ARHGEF3: variants seen among roughly 807,000 people sequenced by gnomAD.
ARHGEF3 encodes the protein 59.8 kDA protein.
A neutral mutation model predicts 63.2 loss-of-function variants in ARHGEF3; 28 were observed. The ratio of observed to expected loss-of-function variants is 0.44; its 90% CI spans 0.33 to 0.61. The LOEUF is 0.61. Ranked by LOEUF, ARHGEF3 falls within the 20% of genes least tolerant of loss-of-function variation. The probability of loss-of-function intolerance (pLI) is 0.03; values close to 1 mark genes in which losing one functional copy is unlikely to be tolerated. For synonymous variants in ARHGEF3, 266 were observed against 254.2 expected (o/e 1.05, Z -0.44); for missense variants, 533 against 659.3 (o/e 0.81, Z 2.10).
chr3:56,755,858 A>G (rs2035039630), intron 2 of ARHGEF3, among the ~76,000 whole-genome samples: 1 of 152,188 alleles, frequency 6.6e-6, no homozygotes, highest in African/African-American at 2.4e-5. Context: ...GGATGGAGTG[A>G]CCAATGGAGG....
At chr3:57,043,786 G>A (rs1449377110) in intron 1 of ARHGEF3, among the ~76,000 whole-genome samples, 1 of 152,240 alleles carries the variant, frequency 6.6e-6, no homozygotes, top group Non-Finnish European at 1.5e-5. Context: ...GCAGTGCAGT[G>A]TGTCATCACA....
At chr3:56,996,268 T>G (rs1701984015) in intron 2 of ARHGEF3, among the ~76,000 whole-genome samples, 1 of 152,148 alleles carries the variant, frequency 6.6e-6, no homozygotes. Flanking sequence ...CCTCCTCTCC[T>G]GTCTATTCCC....
chr3:56,810,371 C>T (rs898758534), intron 4 of ARHGEF3, among the ~76,000 whole-genome samples: 4 of 152,010 alleles, frequency 2.6e-5, no homozygotes, highest in African/African-American at 9.7e-5. Flanking sequence ...TGCTGAAACC[C>T]TGTCGCTACA....
At chr3:56,740,330 T>A (rs1578381335) in intron 7 of ARHGEF3, among the ~76,000 whole-genome samples, 1 of 152,168 alleles carries the variant, frequency 6.6e-6, no homozygotes, top group African/African-American at 2.4e-5. Flanking sequence ...AAGAAGCTTT[T>A]TGGCCTTTGA....
intron 3 of ARHGEF3, among the ~76,000 whole-genome samples, chr3:56,933,619 G>C (rs945013308): frequency 6.6e-6 from 1 of 151,894 alleles, no homozygotes; most frequent in Non-Finnish European, 1.5e-5. Context: ...AGGATTTCAC[G>C]ATGTTACCCA....
intron 1 of ARHGEF3, among the ~76,000 whole-genome samples, chr3:56,801,141 A>G (rs2107966971): frequency 6.6e-6 from 1 of 152,336 alleles, no homozygotes; most frequent in South Asian, 2.1e-4. Flanking sequence ...ATTTAGCCCC[A>G]GCCCCCCGGC....
intron 2 of ARHGEF3, among the ~76,000 whole-genome samples, chr3:56,992,017 C>CCTCT (rs569120713): frequency 1.7e-3 from 221 of 130,808 alleles, no homozygotes; most frequent in African/African-American, 4.1e-3. Context: ...TCTCTCCCCT[C>CCTCT]CTCTCTCTGT....
intron 4 of ARHGEF3, among the ~76,000 whole-genome samples, chr3:56,849,290 T>C (rs1158022896): frequency 6.6e-6 from 1 of 152,216 alleles, no homozygotes; most frequent in Non-Finnish European, 1.5e-5. Context: ...GCTAAAATTC[T>C]GATTTATTTA....
intron 6 of ARHGEF3, among the ~76,000 whole-genome samples, chr3:56,750,599 A>T (rs2107754356): frequency 6.6e-6 from 1 of 151,936 alleles, no homozygotes; most frequent in South Asian, 2.1e-4. Context: ...AAACATTAGC[A>T]ACCTTTACTT....
intron 2 of ARHGEF3, among the ~76,000 whole-genome samples, chr3:56,966,181 G>C (rs1700487198): frequency 6.6e-6 from 1 of 152,218 alleles, no homozygotes; most frequent in Admixed American, 6.5e-5. Context: ...ATTACCTCCA[G>C]GGAGAGAGGG....
chr3:57,020,642 T>C (rs1461779153), intron 2 of ARHGEF3, among the ~76,000 whole-genome samples: 1 of 152,184 alleles, frequency 6.6e-6, no homozygotes, highest in East Asian at 1.9e-4. Context: ...GTTGGTGGTA[T>C]CACAGGGAGG....
intron 4 of ARHGEF3, among the ~76,000 whole-genome samples, chr3:56,867,686 G>T (rs912735116): frequency 6.6e-6 from 1 of 152,114 alleles, no homozygotes. Flanking sequence ...GCCCAGGTTG[G>T]TCTCGAGCTC....
chr3:56,999,495 G>T (rs1225603498), intron 2 of ARHGEF3, among the ~76,000 whole-genome samples: 1 of 152,216 alleles, frequency 6.6e-6, no homozygotes, highest in African/African-American at 2.4e-5. Flanking sequence ...GAAGTGGGAA[G>T]AAATAAAACT....
intron 3 of ARHGEF3, among the ~76,000 whole-genome samples, chr3:56,896,889 T>C (rs913844562): frequency 6.6e-6 from 1 of 152,238 alleles, no homozygotes; most frequent in Non-Finnish European, 1.5e-5. Context: ...TTGGTGACAT[T>C]GGCTTAGACT....
chr3:56,914,758 C>T (rs2041941227), intron 3 of ARHGEF3, among the ~76,000 whole-genome samples: 1 of 152,120 alleles, frequency 6.6e-6, no homozygotes, highest in Non-Finnish European at 1.5e-5. Flanking sequence ...AAGACAAATA[C>T]TGTTTGACTC....
intron 1 of ARHGEF3, among the ~76,000 whole-genome samples, chr3:57,059,229 A>G (rs1361666392): frequency 6.6e-6 from 1 of 152,118 alleles, no homozygotes; most frequent in East Asian, 1.9e-4. Flanking sequence ...TGTATTTTCT[A>G]AATTTTTTCA....
chr3:56,778,466 A>G (rs767451860), intron 1 of ARHGEF3, among the ~76,000 whole-genome samples: 1 of 152,218 alleles, frequency 6.6e-6, no homozygotes, highest in Non-Finnish European at 1.5e-5. Context: ...CTGTAAATAA[A>G]TAAGTGTGGC....
rs1047619342 is a variant in ARHGEF3, at chr3:56,763,853, G to A, written c.205-8702C>T. Among the ~76,000 whole-genome samples the A allele has an allele frequency of 3.9e-5, 6 of 152,176 alleles. 2 individuals carry two copies. Among genetic ancestry groups the A allele is most frequent in the Admixed American group, 6.5e-5 (1 of 15,286 alleles). Reference sequence around the variant, plus strand: ...GCCTCACAAAGTGATGGAATTACAGGTGTGAGCCACTGCACCTGGCTGATT... The same window carrying A: ...GCCTCACAAAGTGATGGAATTACAGATGTGAGCCACTGCACCTGGCTGATT... On this transcript the variant is annotated intron_variant, in intron 2 of 9. Coordinates refer to ENST00000296315, the MANE Select transcript of ARHGEF3 (RefSeq NM_019555.3).
chr3:56,741,765 G>A (rs1559893100), intron 7 of ARHGEF3, among the ~76,000 whole-genome samples: 2 of 151,822 alleles, frequency 1.3e-5, no homozygotes, highest in South Asian at 4.2e-4. Flanking sequence ...GGCCTCCCAA[G>A]GTGCTGGGAT....
Sources: allele counts gnomAD v4.1 joint callset (sites outside exome capture counted in the v4.1 genomes callset), GRCh38; gene constraint gnomAD v4.1.1; transcripts MANE v1.5; gene names NCBI Gene and HGNC (gene_info 2026-07-23, HGNC 2026-07-21).